The following HEMK2 variants were observed in gnomAD, a reference collection of about 807,000 sequenced individuals.
HEMK2 encodes methyltransferase HEMK2.
At chr21:28,838,407 G>A in the HEMK2 span, among the ~76,000 whole-genome samples, 5 of 151,766 alleles carry the variant, frequency 3.3e-5, no homozygotes, top group Non-Finnish European at 5.9e-5. Flanking sequence ...GGTGGCAGGC[G>A]CCTATAGTCC....
chr21:28,782,053 T>C, the HEMK2 span, among the ~76,000 whole-genome samples: 1 of 152,210 alleles, frequency 6.6e-6, no homozygotes, highest in Non-Finnish European at 1.5e-5. Flanking sequence ...AAAAAACTAT[T>C]TCATTCAAGA....
chr21:28,809,000 T>C, the HEMK2 span, among the ~76,000 whole-genome samples: 16 of 152,214 alleles, frequency 1.1e-4, no homozygotes, highest in Non-Finnish European at 2.4e-4. Context: ...TTACTTTTGC[T>C]AGTTTGTGCA....
At chr21:28,847,333 C>A in the HEMK2 span, among the ~76,000 whole-genome samples, 1 of 152,136 alleles carries the variant, frequency 6.6e-6, no homozygotes, top group African/African-American at 2.4e-5. Flanking sequence ...TGCAAGATGG[C>A]ATGTCATCGT....
the HEMK2 span, among the ~76,000 whole-genome samples, chr21:28,838,964 A>C: frequency 1.8e-5 from 1 of 55,106 alleles, no homozygotes; most frequent in Non-Finnish European, 3.5e-5. Context: ...AAAAAAAAAA[A>C]AAAAAAAAAT....
At chr21:28,663,566 T>C in the HEMK2 span, among the ~76,000 whole-genome samples, 2 of 152,210 alleles carry the variant, frequency 1.3e-5, no homozygotes, top group Non-Finnish European at 2.9e-5. Context: ...TCCCATCACA[T>C]GGCCCATCGG....
chr21:28,803,143 G>A, the HEMK2 span, among the ~76,000 whole-genome samples: 1 of 152,174 alleles, frequency 6.6e-6, no homozygotes, highest in Admixed American at 6.5e-5. Context: ...CCAAAGGGAA[G>A]CAACTGGCTT....
the HEMK2 span, among the ~76,000 whole-genome samples, chr21:28,590,585 C>T: frequency 6.6e-6 from 1 of 152,122 alleles, no homozygotes; most frequent in Non-Finnish European, 1.5e-5. Flanking sequence ...ATACATGCAA[C>T]AAGCTGGCTG....
the HEMK2 span, chr21:28,878,251 G>A: frequency 7.8e-3 from 12,504 of 1,606,370 alleles, 57 homozygotes; most frequent in Non-Finnish European, 9.8e-3. Flanking sequence ...AAGGAGATCT[G>A]GAACCAGGGG....
At chr21:28,588,982 C>CAAA in the HEMK2 span, among the ~76,000 whole-genome samples, 12,851 of 107,056 alleles carry the variant, frequency 0.12, 1,554 homozygotes, top group East Asian at 0.57. Flanking sequence ...GACACTGTCT[C>CAAA]AAAAAAAAAA....
chr21:28,711,321 T>C, the HEMK2 span, among the ~76,000 whole-genome samples: 1 of 152,168 alleles, frequency 6.6e-6, no homozygotes, highest in East Asian at 1.9e-4. Flanking sequence ...ACACCATTAG[T>C]GCCTTTTCAA....
At chr21:28,804,898 T>C in the HEMK2 span, among the ~76,000 whole-genome samples, 1 of 152,198 alleles carries the variant, frequency 6.6e-6, no homozygotes. Flanking sequence ...CTGTTTGTAA[T>C]TCATGTTTCT....
At chr21:28,877,158 AAGAG>A in the HEMK2 span, among the ~76,000 whole-genome samples, 1 of 136,488 alleles carries the variant, frequency 7.3e-6, no homozygotes, top group Non-Finnish European at 1.6e-5. Context: ...GAGAGAAAGA[AAGAG>A]AAAGAAAGAA....
chr21:28,807,743 G>T, the HEMK2 span, among the ~76,000 whole-genome samples: 1 of 152,192 alleles, frequency 6.6e-6, no homozygotes, highest in African/African-American at 2.4e-5. Context: ...TCAGAAAAAA[G>T]ATCTGGATGG....
At chr21:28,883,487 C>T in the HEMK2 span, among the ~76,000 whole-genome samples, 8 of 152,082 alleles carry the variant, frequency 5.3e-5, no homozygotes, top group Non-Finnish European at 1.2e-4. Flanking sequence ...AAAAGTTCCT[C>T]TATCATTTTT....
chr21:28,837,352 G>C, the HEMK2 span, among the ~76,000 whole-genome samples: 1 of 152,072 alleles, frequency 6.6e-6, no homozygotes, highest in Non-Finnish European at 1.5e-5. Context: ...CACTCTCTCA[G>C]ACAACACTGG....
the HEMK2 span, among the ~76,000 whole-genome samples, chr21:28,798,182 C>T: frequency 1.3e-5 from 2 of 152,130 alleles, no homozygotes; most frequent in Non-Finnish European, 2.9e-5. Flanking sequence ...AGACAGGTTC[C>T]GAGTATGTGA....
At chr21:28,615,866 C>A in the HEMK2 span, among the ~76,000 whole-genome samples, 1 of 152,158 alleles carries the variant, frequency 6.6e-6, no homozygotes, top group Non-Finnish European at 1.5e-5. Flanking sequence ...GGAACTAGTG[C>A]AGTGATCTCC....
the HEMK2 span, among the ~76,000 whole-genome samples, chr21:28,827,752 A>G: frequency 6.6e-6 from 1 of 152,236 alleles, no homozygotes; most frequent in Non-Finnish European, 1.5e-5. Flanking sequence ...TACTGTTATA[A>G]TTGCATGCAT....
the HEMK2 span, among the ~76,000 whole-genome samples, chr21:28,692,214 A>G: frequency 6.6e-6 from 1 of 152,164 alleles, no homozygotes; most frequent in South Asian, 2.1e-4. Context: ...CATATGCATT[A>G]TAAATTTATT....
Sources: gnomAD v4.1 joint callset for allele counts (sites outside exome capture counted in the v4.1 genomes callset) on GRCh38, gnomAD v4.1.1 for gene constraint, MANE v1.5 for transcripts, NCBI Gene and HGNC (gene_info 2026-07-23, HGNC 2026-07-21) for gene names.